Variants in SH3RF3 observed in about 807,000 individuals in gnomAD.
SH3RF3 encodes SH3 domain containing ring finger 3.
In SH3RF3, 29 loss-of-function variants were observed where a neutral mutation model predicts 66.3. The observed-to-expected ratio is 0.44, with a 90% CI of 0.33 to 0.60. The LOEUF (loss-of-function observed/expected upper bound fraction) is 0.60. Ranked by LOEUF, SH3RF3 falls within the 20% of genes least tolerant of loss-of-function variation. The pLI, the probability that SH3RF3 is intolerant of heterozygous loss-of-function variation, is 0.04. For synonymous variants in SH3RF3, 583 were observed against 532.0 expected, an observed-to-expected ratio of 1.10 and a Z score of -1.32; for missense variants, 1,194 against 1,190.9, an observed-to-expected ratio of 1.00 and a Z score of -0.04.
rs1312753820 is a variant in SH3RF3, at chr2:109,249,802, G to A, written c.574-97872G>A. ...CTCCTGAGTAGCTGGGACTACAGGC[G>A]CCCGCCACCGCGCCCGGCTAATTTT... On this transcript the variant is annotated intron_variant, in intron 1 of 9. Coordinates refer to ENST00000309415, the MANE Select transcript of SH3RF3 (RefSeq NM_001099289.3). 5.9e-5 allele frequency among the ~76,000 whole-genome samples: 9 copies of A among 151,342 alleles called. No homozygotes were observed. The South Asian group carries it at 1.7e-3, about 28-fold the overall frequency.
At chr2:109,499,419 G>A (rs891064409) in intron 9 of SH3RF3, among the ~76,000 whole-genome samples, 1 of 152,220 alleles carries the variant, frequency 6.6e-6, no homozygotes, top group African/African-American at 2.4e-5. Flanking sequence ...GGCTTTAGAT[G>A]TGCGGTCCAA....
intron 1 of SH3RF3, among the ~76,000 whole-genome samples, chr2:109,334,310 A>G (rs1682354773): frequency 6.8e-6 from 1 of 147,996 alleles, no homozygotes; most frequent in Non-Finnish European, 1.5e-5. Flanking sequence ...GTGAGCCATG[A>G]TCACACCACT....
At chr2:109,185,506 A>G (rs1312454776) in intron 1 of SH3RF3, among the ~76,000 whole-genome samples, 1 of 152,210 alleles carries the variant, frequency 6.6e-6, no homozygotes, top group East Asian at 1.9e-4. Context: ...AGCATGTTGA[A>G]AGGTGCAGAC....
rs145501130 is a variant in SH3RF3 at position 109,170,677 on chromosome 2, C to T, written c.573+40564C>T. 8.2e-4 allele frequency among the ~76,000 whole-genome samples: 125 copies of T among 152,276 alleles called. 1 individual carries two copies. Among genetic ancestry groups the T allele is most frequent in the African/African-American group, 2.8e-3 (116 of 41,552 alleles). Reference sequence around the variant, plus strand: ...ACAGAATATTTCCTAAGGGTTCATCCTGCTCCACAGTCTGAGGTTGTTATT... The same window carrying T: ...ACAGAATATTTCCTAAGGGTTCATCTTGCTCCACAGTCTGAGGTTGTTATT... On this transcript the variant is annotated intron_variant, in intron 1 of 9. Transcript: ENST00000309415.
intron 1 of SH3RF3, among the ~76,000 whole-genome samples, chr2:109,268,360 TAGTG>T (rs1680547247): frequency 6.6e-6 from 1 of 151,770 alleles, no homozygotes; most frequent in African/African-American, 2.4e-5. Context: ...CAAGGACCCT[TAGTG>T]GGGATGTCCG....
At chr2:109,359,267 T>C (rs112147531) in intron 2 of SH3RF3, among the ~76,000 whole-genome samples, 4,500 of 152,332 alleles carry the variant, frequency 0.03, 95 homozygotes, top group Non-Finnish European at 0.045. Context: ...CTCTTGCCTC[T>C]CCATATAAAC....
chr2:109,342,647 C>T (rs1159714473), intron 1 of SH3RF3, among the ~76,000 whole-genome samples: 1 of 152,236 alleles, frequency 6.6e-6, no homozygotes, highest in Admixed American at 6.5e-5. Flanking sequence ...ACTCTGGCAC[C>T]CGCCCTTACT....
intron 6 of SH3RF3, among the ~76,000 whole-genome samples, chr2:109,433,119 G>A (rs533602329): frequency 6.6e-5 from 10 of 152,348 alleles, no homozygotes; most frequent in African/African-American, 1.9e-4. Flanking sequence ...GTGCACGTGC[G>A]TATGCATACT....
intron 7 of SH3RF3, among the ~76,000 whole-genome samples, chr2:109,440,344 G>A (rs1319115145): frequency 2.0e-5 from 3 of 152,232 alleles, no homozygotes; most frequent in Admixed American, 1.3e-4. Context: ...GCTGGAATAC[G>A]GATAGGGTGC....
intron 1 of SH3RF3, among the ~76,000 whole-genome samples, chr2:109,205,554 A>C (rs1678791864): frequency 6.6e-6 from 1 of 152,152 alleles, no homozygotes; most frequent in Admixed American, 6.5e-5. Flanking sequence ...CGCCCAACTT[A>C]TGTGACTCTT....
At chr2:109,255,270 C>T (rs1246917999) in intron 1 of SH3RF3, among the ~76,000 whole-genome samples, 1 of 152,158 alleles carries the variant, frequency 6.6e-6, no homozygotes, top group Admixed American at 6.5e-5. Context: ...GTGAATGGGT[C>T]ACACTGTCAC....
chr2:109,410,154 G>T (rs1028229775), intron 4 of SH3RF3, among the ~76,000 whole-genome samples: 1 of 152,202 alleles, frequency 6.6e-6, no homozygotes, highest in South Asian at 2.1e-4. Flanking sequence ...ACAACCTGGC[G>T]GTTTAGAATC....
At position 109,333,043 on chromosome 2, in the gene SH3RF3, G is replaced by A. The variant is rs549273630; in HGVS notation, c.574-14631G>A. On this transcript the variant is annotated intron_variant, in intron 1 of 9. Coordinates refer to ENST00000309415, the MANE Select transcript of SH3RF3 (RefSeq NM_001099289.3). Reference sequence around the variant, plus strand: ...CGGCAGCCTGGGATTGGGAATGCGCGTGAGTGCAGAGCTGCTCACTGCCTG... The same window carrying A: ...CGGCAGCCTGGGATTGGGAATGCGCATGAGTGCAGAGCTGCTCACTGCCTG... 7.2e-5 allele frequency among the ~76,000 whole-genome samples: 11 copies of A among 152,360 alleles called. 1 individual carries two copies. In the East Asian group the frequency reaches 1.9e-3, roughly 27 times the overall value.
intron 1 of SH3RF3, among the ~76,000 whole-genome samples, chr2:109,156,543 TC>T (rs1198991596): frequency 6.6e-6 from 1 of 152,058 alleles, no homozygotes; most frequent in African/African-American, 2.4e-5. Flanking sequence ...CCTCCTGAGT[TC>T]AAGCGATTCT....
intron 5 of SH3RF3, among the ~76,000 whole-genome samples, chr2:109,421,666 G>A (rs1336272492): frequency 6.6e-6 from 1 of 152,196 alleles, no homozygotes; most frequent in Non-Finnish European, 1.5e-5. Flanking sequence ...CTCCCCCAGG[G>A]GAGGGCACTT....
At chr2:109,232,550 T>A (rs1047853853) in intron 1 of SH3RF3, among the ~76,000 whole-genome samples, 1 of 152,192 alleles carries the variant, frequency 6.6e-6, no homozygotes, top group African/African-American at 2.4e-5. Context: ...TAATGTTCAA[T>A]AAGCGTGGAC....
chr2:109,229,948 C>T (rs1203223910), intron 1 of SH3RF3, among the ~76,000 whole-genome samples: 5 of 151,790 alleles, frequency 3.3e-5, no homozygotes, highest in African/African-American at 1.2e-4. Context: ...CCTCAGCCTC[C>T]CAAGTAGCTG....
At chr2:109,320,863 TC>T (rs1418612309) in intron 1 of SH3RF3, among the ~76,000 whole-genome samples, 2 of 152,198 alleles carry the variant, frequency 1.3e-5, no homozygotes, top group African/African-American at 4.8e-5. Flanking sequence ...AGACCAAGAT[TC>T]AAATCCCTGC....
chr2:109,301,568 C>T lies in SH3RF3; in HGVS notation c.574-46106C>T, dbSNP rs1176357422. On this transcript the variant is annotated intron_variant, in intron 1 of 9. Coordinates refer to ENST00000309415, the MANE Select transcript of SH3RF3 (RefSeq NM_001099289.3). ...AGAGCCCATAAACCACAGCCTCTGACAGCCTAGTGTCTACGCTACCACCGT... is the reference window on the plus strand; with the variant it reads ...AGAGCCCATAAACCACAGCCTCTGATAGCCTAGTGTCTACGCTACCACCGT... Among the ~76,000 whole-genome samples the T allele has an allele frequency of 2.6e-5, 4 of 152,316 alleles. No individual in the cohort carries two copies. The East Asian group carries it at 7.7e-4, about 29-fold the overall frequency.
Sources: allele counts gnomAD v4.1 joint callset (sites outside exome capture counted in the v4.1 genomes callset), GRCh38; gene constraint gnomAD v4.1.1; transcripts MANE v1.5; gene names NCBI Gene and HGNC (gene_info 2026-07-23, HGNC 2026-07-21).